The following NCOR1 variants were observed in gnomAD, a reference collection of about 807,000 sequenced individuals.
NCOR1 encodes nuclear receptor corepressor 1.
A neutral mutation model predicts 288.1 loss-of-function variants in NCOR1; 63 were observed. The observed-to-expected ratio is 0.22, with a 90% CI of 0.18 to 0.27. The LOEUF is 0.27. NCOR1 is among the 10% of genes least tolerant of loss of function. The pLI, the probability that NCOR1 is intolerant of heterozygous loss-of-function variation, is 1.00. For missense variants in NCOR1, 2,397 were observed against 3,019.2 expected (o/e 0.79, Z 4.83); for synonymous variants, 1,007 against 1,065.9 (o/e 0.94, Z 1.08).
chr17:16,100,269 C>A (rs1439154013), intron 20 of NCOR1, among the ~76,000 whole-genome samples: 4 of 152,040 alleles, frequency 2.6e-5, no homozygotes, highest in Non-Finnish European at 4.4e-5. Flanking sequence ...AAATATATAT[C>A]TTTTACTGTA....
At chr17:16,184,884 T>TA (rs942419813) in intron 3 of NCOR1, among the ~76,000 whole-genome samples, 20 of 147,752 alleles carry the variant, frequency 1.4e-4, no homozygotes, top group Non-Finnish European at 2.2e-4. Flanking sequence ...TATTCAACCC[T>TA]AAAAAAAAAT....
At chr17:16,127,761 C>A (rs74800269) in intron 14 of NCOR1, among the ~76,000 whole-genome samples, 33,541 of 65,046 alleles carry the variant, frequency 0.52, 6,779 homozygotes, top group African/African-American at 0.68. Flanking sequence ...ATATATATAT[C>A]TCTCATAGTA....
chr17:16,178,190 C>CA (rs199645449), intron 3 of NCOR1, among the ~76,000 whole-genome samples: 7,438 of 148,460 alleles, frequency 0.05, 217 homozygotes, highest in African/African-American at 0.094. Flanking sequence ...GCAAAAAGAG[C>CA]AAAACTCTGT....
intron 23 of NCOR1, among the ~76,000 whole-genome samples, chr17:16,081,381 TTA>T (rs1491225498): frequency 0.014 from 148 of 10,730 alleles, no homozygotes; most frequent in African/African-American, 0.032. Context: ...AAATATTTAT[TTA>T]AAAAAAAAAA....
At chr17:16,192,641 G>A (rs571761000) in intron 2 of NCOR1, among the ~76,000 whole-genome samples, 95 of 152,100 alleles carry the variant, frequency 6.2e-4, no homozygotes, top group Middle Eastern at 3.4e-3. Context: ...GGGTGACAGA[G>A]CAAAACTCCA....
chr17:16,192,773 T>C (rs903817794), intron 2 of NCOR1, among the ~76,000 whole-genome samples: 11 of 152,226 alleles, frequency 7.2e-5, no homozygotes, highest in Admixed American at 2.6e-4. Flanking sequence ...CATATAGATA[T>C]ATGTTTTCTA....
rs989035746 is a variant in NCOR1 at position 16,123,907 on chromosome 17, G to T, written c.1634+2175C>A. On this transcript the variant is annotated intron_variant, in intron 15 of 45. Transcript: ENST00000268712. Reference sequence around the variant, plus strand: ...TACCTGGGAATAGTATACATCTTACGTATTTTCACATTCTCCCTAAGACCT... The same window carrying T: ...TACCTGGGAATAGTATACATCTTACTTATTTTCACATTCTCCCTAAGACCT... 4.6e-5 allele frequency among the ~76,000 whole-genome samples: 7 copies of T among 152,176 alleles called. No individual in the cohort carries two copies. The South Asian group carries it at 1.2e-3, about 27-fold the overall frequency.
At chr17:16,066,721 T>C (rs1052257321) in intron 32 of NCOR1, among the ~76,000 whole-genome samples, 1 of 152,244 alleles carries the variant, frequency 6.6e-6, no homozygotes, top group Non-Finnish European at 1.5e-5. Context: ...TGGGCTCCTC[T>C]GAAACAGTGT....
chr17:16,170,253 G>C (rs1287633095), intron 4 of NCOR1, among the ~76,000 whole-genome samples: 4 of 151,662 alleles, frequency 2.6e-5, no homozygotes, highest in Non-Finnish European at 4.4e-5. Context: ...TTATTTATCT[G>C]GTATCAGGGA....
chr17:16,137,134 G>A (rs1337866979), intron 14 of NCOR1, among the ~76,000 whole-genome samples, 177 bp downstream of exon 14: 3 of 151,958 alleles, frequency 2.0e-5, no homozygotes, highest in South Asian at 4.1e-4. Context: ...TGAAATACAA[G>A]ATTTAATACA....
Position 16,047,027 on chromosome 17 carries a change from T to C in NCOR1, c.6603A>G (p.Thr2201=). Residue 2201 remains threonine, a synonymous_variant, in exon 42 of 46, where the codon ACA becomes ACG. Transcript: ENST00000268712. ...LPSFFTKLEN[T]SPMVKSKKQE... Reference sequence around the variant, plus strand: ...GCTTCTTTGATTTAACCATGGGTGATGTATTTTCAAGCTTGGTGAAGAATG... The same window carrying C: ...GCTTCTTTGATTTAACCATGGGTGACGTATTTTCAAGCTTGGTGAAGAATG... The C allele has an allele frequency of 1.9e-6, 3 of 1,614,060 alleles. No homozygotes were observed. Among genetic ancestry groups the C allele is most frequent in the African/African-American group, 1.3e-5 (1 of 75,050 alleles).
intron 11 of NCOR1, among the ~76,000 whole-genome samples, chr17:16,141,777 G>A (rs1049054120): frequency 4.6e-5 from 7 of 152,092 alleles, no homozygotes; most frequent in African/African-American, 1.7e-4. Flanking sequence ...CACATAATAG[G>A]CTATAAATAT....
intron 23 of NCOR1, among the ~76,000 whole-genome samples, chr17:16,082,315 T>C (rs1042599180): frequency 5.3e-5 from 8 of 152,132 alleles, no homozygotes; most frequent in Non-Finnish European, 7.4e-5. Flanking sequence ...GCCATACATA[T>C]GAAACAGAGC....
chr17:16,187,814 T>C (rs1412824310), intron 2 of NCOR1, among the ~76,000 whole-genome samples: 2 of 151,454 alleles, frequency 1.3e-5, no homozygotes, highest in Non-Finnish European at 2.9e-5. Context: ...GTGGGAGGCT[T>C]GCTTGAGCCC....
At chr17:16,178,359 C>A (rs949448883) in intron 3 of NCOR1, among the ~76,000 whole-genome samples, 3 of 151,408 alleles carry the variant, frequency 2.0e-5, no homozygotes, top group African/African-American at 4.9e-5. Context: ...ATCAGCCGGG[C>A]ATGGTGGCAT....
chr17:16,160,886 GT>G (rs1317560748), intron 5 of NCOR1, among the ~76,000 whole-genome samples: 2 of 152,036 alleles, frequency 1.3e-5, no homozygotes, highest in African/African-American at 4.8e-5. Flanking sequence ...CCAAGAGGGA[GT>G]TTCTGAACCT....
intron 23 of NCOR1, among the ~76,000 whole-genome samples, chr17:16,082,847 A>C (rs1023353773): frequency 4.0e-4 from 13 of 32,678 alleles, no homozygotes; most frequent in African/African-American, 1.6e-3. Flanking sequence ...TATAAGAACT[A>C]GGGGTGGGGG....
intron 44 of NCOR1, 84 bp downstream of exon 44, chr17:16,039,349 G>A: frequency 2.3e-6 from 3 of 1,283,560 alleles, no homozygotes; most frequent in Non-Finnish European, 3.3e-6. Flanking sequence ...TAAATGAAAT[G>A]TCTTAGTGAT....
intron 22 of NCOR1, among the ~76,000 whole-genome samples, chr17:16,089,705 A>G (rs1328945166): frequency 6.6e-6 from 1 of 152,132 alleles, no homozygotes; most frequent in Middle Eastern, 3.2e-3. Context: ...ACATTCTATA[A>G]ACTGTTCTAT....
Sources: gnomAD v4.1 joint callset for allele counts (sites outside exome capture counted in the v4.1 genomes callset) on GRCh38, gnomAD v4.1.1 for gene constraint, MANE v1.5 for transcripts, NCBI Gene and HGNC (gene_info 2026-07-23, HGNC 2026-07-21) for gene names.